ZHX3: variants seen among roughly 807,000 people sequenced by gnomAD.
The protein encoded by ZHX3 is zinc fingers and homeoboxes protein 3.
Under a neutral mutation model 64.5 loss-of-function variants are expected in ZHX3, and 20 were observed. The observed-to-expected ratio is 0.31, with a 90% confidence interval of 0.22 to 0.45. ZHX3 has a LOEUF of 0.45. ZHX3 is among the 20% of genes least tolerant of loss of function. The probability of loss-of-function intolerance (pLI) is 1.00; values close to 1 mark genes in which losing one functional copy is unlikely to be tolerated. For missense variants in ZHX3, 1,041 were observed against 1,195.8 expected (o/e 0.87, Z 1.91); for synonymous variants, 423 against 461.6 (o/e 0.92, Z 1.07).
chr20:41,281,320 T>TG, intron 1 of ZHX3, among the ~76,000 whole-genome samples: 1 of 152,330 alleles, frequency 6.6e-6, no homozygotes, highest in East Asian at 1.9e-4. Context: ...CTGTGTACTC[T>TG]GGGGGTAAGT....
rs1315032247 is a variant in ZHX3, at chr20:41,184,937, A to G, written c.*254T>C. 1.5e-5 allele frequency: 23 copies of G among 1,542,324 alleles called. No homozygotes were observed. Among genetic ancestry groups the G allele is most frequent in the Non-Finnish European group, 1.7e-5 (19 of 1,146,712 alleles). The stretch of plus-strand genomic sequence containing the variant: ...AACTCTGAACTATTTTATCCATTGG[A>G]AGGTAAAGGAAAGGTCCTACATTGT... On this transcript the variant is annotated 3_prime_UTR_variant, in exon 4 of 4. Coordinates refer to ENST00000683867, the MANE Select transcript of ZHX3 (RefSeq NM_001384317.1).
At chr20:41,240,206 G>A (rs1485268493) in intron 2 of ZHX3, among the ~76,000 whole-genome samples, 17 of 152,098 alleles carry the variant, frequency 1.1e-4, no homozygotes, top group Non-Finnish European at 2.1e-4. Flanking sequence ...TTGCCATGTT[G>A]GCCAGGCTGG....
At chr20:41,252,722 A>G (rs957776133) in intron 2 of ZHX3, among the ~76,000 whole-genome samples, 1 of 152,132 alleles carries the variant, frequency 6.6e-6, no homozygotes, top group African/African-American at 2.4e-5. Context: ...TATATACAAT[A>G]TATTATTATA....
intron 2 of ZHX3, among the ~76,000 whole-genome samples, chr20:41,258,262 G>A (rs1318130321): frequency 2.0e-5 from 3 of 152,240 alleles, no homozygotes; most frequent in Admixed American, 6.5e-5. Flanking sequence ...TGCAAAAATC[G>A]TACAGAGTTT....
At chr20:41,279,996 C>A (rs1404094478) in intron 1 of ZHX3, among the ~76,000 whole-genome samples, 1 of 152,138 alleles carries the variant, frequency 6.6e-6, no homozygotes, top group Admixed American at 6.5e-5. Context: ...GGTGTGAGAA[C>A]AGCTCTCTGT....
At chr20:41,283,936 TTTA>T (rs2043815030) in intron 1 of ZHX3, among the ~76,000 whole-genome samples, 1 of 152,136 alleles carries the variant, frequency 6.6e-6, no homozygotes, top group Non-Finnish European at 1.5e-5. Context: ...AGAAAACCTT[TTTA>T]CTCTCTGTAC....
intron 2 of ZHX3, among the ~76,000 whole-genome samples, chr20:41,215,418 G>C (rs2146302934): frequency 6.6e-6 from 1 of 152,222 alleles, no homozygotes; most frequent in South Asian, 2.1e-4. Context: ...CAGCACTGCA[G>C]TATACATATG....
chr20:41,266,636 C>G (rs1832712128), intron 2 of ZHX3, among the ~76,000 whole-genome samples: 1 of 152,004 alleles, frequency 6.6e-6, no homozygotes, highest in Admixed American at 6.5e-5. Context: ...AGCTCCGCCC[C>G]CCAGGTTCAC....
rs1427173778 is a variant in ZHX3, at chr20:41,179,384, A to C, written c.*5807T>G. The C allele has an allele frequency of 6.6e-6, 1 of 152,012 alleles. No homozygotes were observed. Among genetic ancestry groups the C allele is most frequent in the Non-Finnish European group, 1.5e-5 (1 of 68,004 alleles). 9.4% of individuals were successfully genotyped at this position (152,012 alleles called of 1,614,324 possible). ...CTGGCGCTCCTCACTCCTGCTGACA[A>C]TCTCATGTGGGGCTCTGGCCCTGTT... On this transcript the variant is annotated 3_prime_UTR_variant, in exon 4 of 4. Coordinates refer to ENST00000683867, the MANE Select transcript of ZHX3 (RefSeq NM_001384317.1). The surrounding 1 kb of genome is among the most constrained non-coding windows in gnomAD (Gnocchi z 4.3).
intron 1 of ZHX3, among the ~76,000 whole-genome samples, chr20:41,316,581 T>G (rs1179126298): frequency 6.6e-6 from 1 of 152,132 alleles, no homozygotes; most frequent in African/African-American, 2.4e-5. Flanking sequence ...ATTTAGGATA[T>G]CTGGATAAAT....
At chr20:41,217,609 G>A (rs1038682464) in intron 2 of ZHX3, among the ~76,000 whole-genome samples, 4 of 152,140 alleles carry the variant, frequency 2.6e-5, no homozygotes, top group East Asian at 1.9e-4. Flanking sequence ...AAGTAAATCA[G>A]TTGGCTTGCT....
chr20:41,209,903 C>T lies in ZHX3; in HGVS notation c.-150-4837G>A, dbSNP rs1356879437. Among the ~76,000 whole-genome samples, 3 of 152,168 alleles carry T rather than the reference C, an allele frequency of 2.0e-5. No individual in the cohort carries two copies. The East Asian group carries it at 5.8e-4, about 29-fold the overall frequency. On this transcript the variant is annotated intron_variant, in intron 2 of 3. Coordinates refer to ENST00000683867, the MANE Select transcript of ZHX3 (RefSeq NM_001384317.1). Reference sequence around the variant, plus strand: ...CGAAAGAAACCACCATCAGAGTGAACAGGCAACCTACAGAATGGGAGAAAA... The same window carrying T: ...CGAAAGAAACCACCATCAGAGTGAATAGGCAACCTACAGAATGGGAGAAAA...
chr20:41,222,276 C>A (rs920152523), intron 2 of ZHX3, among the ~76,000 whole-genome samples: 1 of 152,148 alleles, frequency 6.6e-6, no homozygotes, highest in Non-Finnish European at 1.5e-5. Flanking sequence ...CCACGGGAAT[C>A]AAGGATGACT....
At chr20:41,222,896 G>C (rs2040036030) in intron 2 of ZHX3, among the ~76,000 whole-genome samples, 2 of 131,190 alleles carry the variant, frequency 1.5e-5, no homozygotes, top group South Asian at 4.9e-4. Context: ...AATTTCTCAA[G>C]AACATTTGTT....
chr20:41,299,014 A>G (rs1238205994), intron 1 of ZHX3, among the ~76,000 whole-genome samples: 2 of 152,076 alleles, frequency 1.3e-5, no homozygotes, highest in Non-Finnish European at 2.9e-5. Context: ...ATACTGGAAA[A>G]CCCTGTGGTC....
rs1194168317 is a variant in ZHX3 at position 41,195,567 on chromosome 20, C to T, written c.2860+6490G>A. Among the ~76,000 whole-genome samples the T allele has an allele frequency of 1.3e-5, 2 of 152,196 alleles. No homozygotes were observed. Among genetic ancestry groups the T allele is most frequent in the African/African-American group, 4.8e-5 (2 of 41,454 alleles). ...AGTAGCTGGGATTACAGGTGCCTGC[C>T]ACCATGTCCACCTAATTTTTGTATT... is the stretch of plus-strand genomic sequence containing the variant. On this transcript the variant is annotated intron_variant, in intron 3 of 3. Transcript: ENST00000683867. This position sits in a 1 kb window ranked among gnomAD's most constrained non-coding sequence, Gnocchi z 4.2.
At chr20:41,298,146 A>C (rs1282925856) in intron 1 of ZHX3, among the ~76,000 whole-genome samples, 1 of 152,332 alleles carries the variant, frequency 6.6e-6, no homozygotes, top group East Asian at 1.9e-4. Context: ...GGAACTGTAC[A>C]CAGAGCATTA....
intron 2 of ZHX3, among the ~76,000 whole-genome samples, chr20:41,255,417 C>G (rs2042196880): frequency 6.6e-6 from 1 of 152,306 alleles, no homozygotes; most frequent in South Asian, 2.1e-4. Flanking sequence ...TCCCAAAGTG[C>G]TGGGATTACA....
chr20:41,214,359 A>G (rs1301950927), intron 2 of ZHX3, among the ~76,000 whole-genome samples: 2 of 152,230 alleles, frequency 1.3e-5, no homozygotes, highest in Non-Finnish European at 2.9e-5. Flanking sequence ...AAGGCTCAGA[A>G]AAGTGCAGTG....
Sources: allele counts gnomAD v4.1 joint callset (sites outside exome capture counted in the v4.1 genomes callset), GRCh38; gene constraint gnomAD v4.1.1; non-coding constraint Gnocchi (gnomAD v3.1); transcripts MANE v1.5; gene names NCBI Gene and HGNC (gene_info 2026-07-23, HGNC 2026-07-21).